The following NWD1 variants were observed in gnomAD, a reference collection of about 807,000 sequenced individuals.
NWD1 encodes NACHT and WD repeat domain containing 1, also known as NACHT domain- and WD repeat-containing protein 1.
A neutral mutation model predicts 135.1 loss-of-function variants in NWD1; 129 were observed. The ratio of observed to expected loss-of-function variants is 0.96; its 90% CI spans 0.83 to 1.11. The LOEUF is 1.11. Ranked by LOEUF, NWD1 falls within the 50% of genes least tolerant of loss-of-function variation. The pLI is 0.00. For synonymous variants in NWD1, 773 were observed against 786.0 expected (o/e 0.98, Z 0.28); for missense variants, 1,740 against 1,851.3 (o/e 0.94, Z 1.10).
At chr19:16,811,969 T>C (rs747088842) in intron 18 of NWD1, among the ~76,000 whole-genome samples, 5 of 152,110 alleles carry the variant, frequency 3.3e-5, no homozygotes, top group Non-Finnish European at 7.4e-5. Context: ...TGAGCCGAGA[T>C]CAGGCTACTG....
At chr19:16,784,340 G>C (rs915304117) in intron 12 of NWD1, among the ~76,000 whole-genome samples, 1 of 152,140 alleles carries the variant, frequency 6.6e-6, no homozygotes, top group Admixed American at 6.6e-5. Flanking sequence ...TGCTCCAGCC[G>C]GGGTAACACA....
At chr19:16,777,847 GA>G (rs1447322974) in intron 11 of NWD1, among the ~76,000 whole-genome samples, 1 of 69,264 alleles carries the variant, frequency 1.4e-5, no homozygotes, top group Non-Finnish European at 2.8e-5. Flanking sequence ...AAGGGGAGGG[GA>G]AAGGGAAGGG....
intron 5 of NWD1, among the ~76,000 whole-genome samples, chr19:16,745,501 G>A (rs1014633038): frequency 6.6e-6 from 1 of 151,772 alleles, no homozygotes; most frequent in Non-Finnish European, 1.5e-5. Context: ...GGCCGAGGCA[G>A]GAGAATCACT....
At chr19:16,724,696 A>C (rs879591930) in intron 2 of NWD1, among the ~76,000 whole-genome samples, 8 of 152,084 alleles carry the variant, frequency 5.3e-5, no homozygotes, top group South Asian at 2.1e-4. Flanking sequence ...TTCTACAAAA[A>C]AAATATTTTT....
At chr19:16,778,612 C>T (rs888532618) in intron 11 of NWD1, among the ~76,000 whole-genome samples, 2 of 151,606 alleles carry the variant, frequency 1.3e-5, no homozygotes, top group Non-Finnish European at 2.9e-5. Flanking sequence ...GGGCTCAAGT[C>T]ATTCTCTGGC....
At chr19:16,730,725 A>AT (rs1306811772) in intron 2 of NWD1, among the ~76,000 whole-genome samples, 1 of 151,694 alleles carries the variant, frequency 6.6e-6, no homozygotes, top group Non-Finnish European at 1.5e-5. Context: ...CTTAAAAAAC[A>AT]TTTTTTTAAA....
In NWD1 at chr19:16,811,486, A is replaced by C. The variant is rs926074933; in HGVS notation, c.4287+3350A>C. Among the ~76,000 whole-genome samples, 3 of 151,602 alleles carry C rather than the reference A, an allele frequency of 2.0e-5. 1 individual carries two copies. Among genetic ancestry groups the C allele is most frequent in the Non-Finnish European group, 4.4e-5 (3 of 67,954 alleles). ...GTAATCCCAGCTACTTGGGAGGTTG[A>C]GGCAAGAGAATCGCTTGAACCCAGG... On this transcript the variant is annotated intron_variant, in intron 18 of 18. Coordinates refer to ENST00000524140, the MANE Select transcript of NWD1 (RefSeq NM_001007525.5).
intron 10 of NWD1, among the ~76,000 whole-genome samples, chr19:16,765,894 G>A (rs1969203127): frequency 6.6e-6 from 1 of 151,788 alleles, no homozygotes; most frequent in African/African-American, 2.4e-5. Context: ...GTGGGCACCT[G>A]TAGTCCCAGC....
intron 4 of NWD1, chr19:16,738,160 T>C (rs1368886725): frequency 2.3e-6 from 1 of 437,450 alleles, no homozygotes; most frequent in African/African-American, 2.0e-5. Flanking sequence ...TGGCAGAGTT[T>C]AGTCGTTCTG....
intron 4 of NWD1, among the ~76,000 whole-genome samples, chr19:16,739,486 G>A (rs182814218): frequency 5.1e-4 from 78 of 152,242 alleles, no homozygotes; most frequent in African/African-American, 1.7e-3. Flanking sequence ...ACCTAGGGGT[G>A]ATCTCTGAGC....
At chr19:16,754,202 C>T (rs754141440) in intron 6 of NWD1, among the ~76,000 whole-genome samples, 15 of 150,832 alleles carry the variant, frequency 9.9e-5, no homozygotes, top group Admixed American at 4.6e-4. Context: ...TCCATCCTTC[C>T]GTCCATTCTC....
At chr19:16,750,432 A>C (rs1968531002) in intron 6 of NWD1, 21 bp downstream of exon 6, 2 of 1,470,334 alleles carry the variant, frequency 1.4e-6, no homozygotes, top group East Asian at 2.4e-5. Context: ...GTGTTTTGAA[A>C]CTCTTATTTA....
At position 16,744,599 on chromosome 19, in the gene NWD1, C is replaced by G; in HGVS notation, c.377C>G (p.Thr126Ser). 6.5e-7 allele frequency: 1 copy of G among 1,534,946 alleles called. No individual in the cohort carries two copies. Among genetic ancestry groups the G allele is most frequent in the South Asian group, 1.2e-5 (1 of 83,922 alleles). The change falls in exon 5 of 19, where the codon ACT becomes AGT. Residue 126 changes from threonine (T) to serine (S), a missense_variant. Thr to Ser is a moderately conservative substitution (Grantham distance 58). Transcript: ENST00000524140. ...PPTYVLQAPG[T>S]GEACEPEEAT... ...ACCTACGTCCTGCAGGCACCAGGTACTGGGGAGGCCTGTGAACCAGAGGAG... is the reference window on the plus strand; with the variant it reads ...ACCTACGTCCTGCAGGCACCAGGTAGTGGGGAGGCCTGTGAACCAGAGGAG...
chr19:16,719,856 G>A lies in NWD1; in HGVS notation c.-542G>A, dbSNP rs1376109692. ...TCGCTTTCATTATCCCAGTTGCTGG[G>A]AGAATTGGGCAAGGAGAGACCCATA... On this transcript the variant is annotated 5_prime_UTR_variant, in exon 1 of 19. Transcript: ENST00000524140. The A allele has an allele frequency of 6.6e-6, 1 of 152,152 alleles. No homozygotes were observed. Among genetic ancestry groups the A allele is most frequent in the East Asian group, 1.9e-4 (1 of 5,192 alleles). 9.4% of individuals were successfully genotyped at this position (152,152 alleles called of 1,614,324 possible). A position where few individuals can be genotyped will look rare whatever the true frequency, so the allele number is the denominator to read the frequency against.
rs1268084522 is a variant in NWD1 at position 16,759,389 on chromosome 19, G to C, written c.1934G>C (p.Arg645Pro). 6.3e-7 allele frequency: 1 copy of C among 1,594,748 alleles called. No individual in the cohort carries two copies. Residue 645 changes from arginine (R) to proline (P), a missense_variant, in exon 7 of 19, where the codon CGG (arginine) becomes CCG (proline). Physicochemically the swap from Arg to Pro is moderately radical, Grantham distance 103 (BLOSUM62 -2). Transcript: ENST00000524140. ...RRDLGYYLAR[R>P]PVDGFTLLAI... is the part of the protein sequence containing the mutation. ...GATCTGGGATACTACTTGGCCCGGC[G>C]GCCCGTGGATGGCTTCACCCTCCTG...
chr19:16,725,557 A>G (rs1319866007), intron 2 of NWD1, among the ~76,000 whole-genome samples: 2 of 151,432 alleles, frequency 1.3e-5, no homozygotes, highest in African/African-American at 2.4e-5. Context: ...TCATTTATTT[A>G]TTTATTTATT....
chr19:16,770,548 G>A (rs556279053), intron 10 of NWD1, among the ~76,000 whole-genome samples: 11 of 152,006 alleles, frequency 7.2e-5, no homozygotes, highest in East Asian at 1.9e-4. Flanking sequence ...GAGCCCCACC[G>A]TGTCCATTGA....
At position 16,816,105 on chromosome 19, in the gene NWD1, T is replaced by G. The variant is rs1027698907; in HGVS notation, c.*1066T>G. On this transcript the variant is annotated 3_prime_UTR_variant, in exon 19 of 19. Transcript: ENST00000524140. Reference sequence around the variant, plus strand: ...ACACTCAAATGCTCACAGGAGCTAGTGACTAATCTAGACACTTCCATGCAC... The same window carrying G: ...ACACTCAAATGCTCACAGGAGCTAGGGACTAATCTAGACACTTCCATGCAC... The G allele has an allele frequency of 9.9e-5, 15 of 152,226 alleles. No homozygotes were observed. The highest frequency in any genetic ancestry group is 3.6e-4 in the African/African-American group (15 of 41,440). The allele number at this position is 152,226 out of a possible 1,614,324, so 9.4% of individuals were successfully genotyped here.
rs1263478922 is a variant in NWD1 at position 16,749,750 on chromosome 19, C to T, written c.1108C>T (p.Leu370=). The T allele has an allele frequency of 8.7e-6, 14 of 1,607,274 alleles. No homozygotes were observed. Among genetic ancestry groups the T allele is most frequent in the Non-Finnish European group, 1.2e-5 (14 of 1,176,222 alleles). ...GCTGGGGCACAAGACAGTGACCGTC[C>T]TGCGGCTGCTGGGGACGTCACAAAT... The part of the protein sequence containing the change: ...RLLGHKTVTV[L]RLLGTSQMSS... The change falls in exon 6 of 19, where the codon CTG becomes TTG. Residue 370 remains leucine, a synonymous_variant. Transcript: ENST00000524140.
Sources: gnomAD v4.1 joint callset for allele counts (sites outside exome capture counted in the v4.1 genomes callset) on GRCh38, gnomAD v4.1.1 for gene constraint, MANE v1.5 for transcripts, NCBI Gene and HGNC (gene_info 2026-07-23, HGNC 2026-07-21) for gene names.